Variants in KLF3 observed in about 807,000 individuals in gnomAD.
KLF3 encodes KLF transcription factor 3, also known as Krueppel-like factor 3.
Under a neutral mutation model 32.7 loss-of-function variants are expected in KLF3, and 6 were observed. That is an observed-to-expected ratio of 0.18 (90% CI 0.10 to 0.36). The LOEUF (loss-of-function observed/expected upper bound fraction) is 0.36, where lower values mean the gene tolerates loss of function less well. KLF3 is among the 10% of genes least tolerant of loss of function. The probability of loss-of-function intolerance (pLI) is 1.00; values close to 1 mark genes in which losing one functional copy is unlikely to be tolerated. For synonymous variants in KLF3, 145 were observed against 172.8 expected (o/e 0.84, Z 1.26); for missense variants, 338 against 449.7 (o/e 0.75, Z 2.25).
chr4:38,675,751 T>C (rs746919643), intron 1 of KLF3, among the ~76,000 whole-genome samples: 2 of 152,204 alleles, frequency 1.3e-5, no homozygotes, highest in Non-Finnish European at 2.9e-5. Context: ...CCGTCAGTAC[T>C]GTATGATAGA....
intron 1 of KLF3, among the ~76,000 whole-genome samples, chr4:38,666,561 T>G (rs1324369249): frequency 6.6e-6 from 1 of 152,244 alleles, no homozygotes; most frequent in Non-Finnish European, 1.5e-5. Flanking sequence ...ATAGACATTT[T>G]AGAATGACTT....
chr4:38,665,023 C>G (rs1357953664), intron 1 of KLF3: 1 of 148,814 alleles, frequency 6.7e-6, no homozygotes, highest in Non-Finnish European at 1.5e-5. Flanking sequence ...TCCCAGGACA[C>G]GGCGCGCGGC....
intron 1 of KLF3, among the ~76,000 whole-genome samples, chr4:38,670,088 A>G (rs1244642660): frequency 2.0e-5 from 3 of 152,028 alleles, no homozygotes; most frequent in Non-Finnish European, 4.4e-5. Context: ...GGTTTTTGAA[A>G]CTCACTCCAT....
chr4:38,668,022 GT>G (rs1722094178), intron 1 of KLF3, among the ~76,000 whole-genome samples: 1 of 152,120 alleles, frequency 6.6e-6, no homozygotes, highest in Non-Finnish European at 1.5e-5. Flanking sequence ...TTTCCAACCC[GT>G]TTTTAAGAAT....
At chr4:38,689,167 T>C in intron 3 of KLF3, 96 bp downstream of exon 3, 1 of 1,463,456 alleles carries the variant, frequency 6.8e-7, no homozygotes, top group Non-Finnish European at 9.3e-7. Context: ...CAAGAGCTGT[T>C]GAACTCTTCA....
chr4:38,689,562 A>G lies in KLF3; in HGVS notation c.545-167A>G, dbSNP rs565443288. 2.0e-5 allele frequency among the ~76,000 whole-genome samples: 3 copies of G among 152,336 alleles called. No homozygotes were observed. In the South Asian group the frequency reaches 6.2e-4, roughly 32 times the overall value. ...ATATTTGCTGCTTACTGGCAAAATA[A>G]TGGTCAGGAGAGGTGAGAATCTCCC... On this transcript the variant is annotated intron_variant, in intron 3 of 5. Transcript: ENST00000261438.
At chr4:38,680,735 C>T in intron 2 of KLF3, 53 bp downstream of exon 2, 1 of 1,349,408 alleles carries the variant, frequency 7.4e-7, no homozygotes, top group South Asian at 1.2e-5. Flanking sequence ...GTGATGATAA[C>T]ATTATTGTGT....
At position 38,668,829 on chromosome 4, in the gene KLF3, T is replaced by C. The variant is rs1478762123; in HGVS notation, c.-40+4368T>C. On this transcript the variant is annotated intron_variant, in intron 1 of 5. Coordinates refer to ENST00000261438, the MANE Select transcript of KLF3 (RefSeq NM_016531.6). ...GTTAATAGAGATAATTAGGGTCTAA[T>C]ATATTCTATCAGAAAAAAATTCTGC... Among the ~76,000 whole-genome samples the C allele has an allele frequency of 5.3e-5, 8 of 152,332 alleles. No homozygotes were observed. The East Asian group carries it at 1.2e-3, about 22-fold the overall frequency.
At chr4:38,670,263 C>T (rs79829042) in intron 1 of KLF3, among the ~76,000 whole-genome samples, 1 of 152,138 alleles carries the variant, frequency 6.6e-6, no homozygotes, top group East Asian at 1.9e-4. Context: ...TGAGGCAGAC[C>T]CTTTGCAGGA....
chr4:38,693,115 T>TAC (rs1449275754), intron 4 of KLF3, among the ~76,000 whole-genome samples: 10 of 38,114 alleles, frequency 2.6e-4, no homozygotes, highest in South Asian at 1.0e-3. Flanking sequence ...TACATATATA[T>TAC]ACATATATAT....
rs1723184570 is a variant in KLF3, at chr4:38,701,269, CAT to C, written c.*4008_*4009del. ...AACAGGAAGTCTCCTAGGCTGAAAT[CAT>C]AAAACTGCAGACAATCCAGCAAAAA... On this transcript the variant is annotated 3_prime_UTR_variant, in exon 6 of 6. Coordinates refer to ENST00000261438, the MANE Select transcript of KLF3 (RefSeq NM_016531.6). 6.6e-6 allele frequency among the ~76,000 whole-genome samples: 1 copy of C among 152,204 alleles called. No homozygotes were observed. The highest frequency in any genetic ancestry group is 1.5e-5 in the Non-Finnish European group (1 of 68,034).
chr4:38,687,770 A>G (rs931527216), intron 2 of KLF3, among the ~76,000 whole-genome samples: 1 of 152,190 alleles, frequency 6.6e-6, no homozygotes, highest in African/African-American at 2.4e-5. Context: ...AGCTTCATTC[A>G]GATTCTGAAT....
chr4:38,690,029 C>A, intron 4 of KLF3, 150 bp downstream of exon 4: 1 of 621,354 alleles, frequency 1.6e-6, no homozygotes, highest in Non-Finnish European at 2.7e-6. Context: ...TACCACTGGT[C>A]AAGATGGGAG....
chr4:38,678,418 G>A (rs749515404), intron 1 of KLF3, among the ~76,000 whole-genome samples: 5 of 152,186 alleles, frequency 3.3e-5, no homozygotes, highest in Admixed American at 2.6e-4. Context: ...GTTGCGGTTA[G>A]TTCTTGCTGG....
chr4:38,669,978 C>T (rs1722153138), intron 1 of KLF3, among the ~76,000 whole-genome samples: 1 of 139,438 alleles, frequency 7.2e-6, no homozygotes, highest in Non-Finnish European at 1.5e-5. Context: ...ACCATATTCT[C>T]TGGAACAGTA....
At chr4:38,676,680 A>C (rs952438586) in intron 1 of KLF3, among the ~76,000 whole-genome samples, 2 of 149,106 alleles carry the variant, frequency 1.3e-5, no homozygotes. Flanking sequence ...GCTTGTAGAC[A>C]TGTGAAATAG....
At chr4:38,675,008 A>G (rs866282202) in intron 1 of KLF3, among the ~76,000 whole-genome samples, 6 of 152,356 alleles carry the variant, frequency 3.9e-5, no homozygotes, top group African/African-American at 9.6e-5. Flanking sequence ...TCCCCACTCC[A>G]TAAAGCCATT....
intron 2 of KLF3, among the ~76,000 whole-genome samples, chr4:38,683,790 T>C (rs1722606392): frequency 6.6e-6 from 1 of 152,238 alleles, no homozygotes; most frequent in African/African-American, 2.4e-5. Context: ...AAAGGATTAA[T>C]AATATTCTGT....
intron 2 of KLF3, among the ~76,000 whole-genome samples, chr4:38,684,284 T>C (rs1722623238): frequency 6.6e-6 from 1 of 152,204 alleles, no homozygotes; most frequent in African/African-American, 2.4e-5. Context: ...AAGTTCAAAA[T>C]AATTAGTATA....
Sources: gnomAD v4.1 joint callset for allele counts (sites outside exome capture counted in the v4.1 genomes callset) on GRCh38, gnomAD v4.1.1 for gene constraint, MANE v1.5 for transcripts, NCBI Gene and HGNC (gene_info 2026-07-23, HGNC 2026-07-21) for gene names.